Variants in ERICH3 observed in about 807,000 individuals in gnomAD.
The protein encoded by ERICH3 is glutamate-rich protein 3.
Under a neutral mutation model 131.1 loss-of-function variants are expected in ERICH3, and 126 were observed. The observed-to-expected ratio is 0.96, with a 90% CI of 0.83 to 1.11. The LOEUF is 1.11. ERICH3 is among the 50% of genes most tolerant of loss of function. The pLI is 0.00. For missense variants in ERICH3, 2,050 were observed against 1,810.7 expected, an observed-to-expected ratio of 1.13 and a Z score of -2.40; for synonymous variants, 695 against 644.6, an observed-to-expected ratio of 1.08 and a Z score of -1.18.
intron 12 of ERICH3, among the ~76,000 whole-genome samples, chr1:74,581,374 G>A (rs1647178417): frequency 1.3e-5 from 2 of 151,954 alleles, no homozygotes; most frequent in Non-Finnish European, 2.9e-5. Context: ...TATTACTTTT[G>A]TTGTTGTTGT....
chr1:74,605,967 C>CAT (rs969668383), intron 10 of ERICH3, among the ~76,000 whole-genome samples: 17 of 115,428 alleles, frequency 1.5e-4, no homozygotes, highest in African/African-American at 5.7e-4. Flanking sequence ...GATGTGCCTG[C>CAT]ATATATATGT....
At position 74,569,533 on chromosome 1, in the gene ERICH3, C is replaced by G. The variant is rs1021095538; in HGVS notation, c.*925G>C. 4 of 152,248 alleles carry G rather than the reference C, an allele frequency of 2.6e-5. No homozygotes were observed. The highest frequency in any genetic ancestry group is 9.6e-5 in the African/African-American group (4 of 41,546). The allele number at this position is 152,248 out of a possible 1,614,324, so 9.4% of individuals were successfully genotyped here. ...AGTTCACAGGTTTGAAATAACAGAA[C>G]TTGGGAAGGTGAGCAGCACACTCAT... is the stretch of plus-strand genomic sequence containing the variant. On this transcript the variant is annotated 3_prime_UTR_variant, in exon 15 of 15. Transcript: ENST00000326665.
intron 7 of ERICH3, among the ~76,000 whole-genome samples, chr1:74,630,194 T>G (rs686329): frequency 0.69 from 105,522 of 152,064 alleles, 37,384 homozygotes; most frequent in African/African-American, 0.83. Context: ...TTGTTTTTGC[T>G]AAGTATGAGC....
rs139816866 is a variant in ERICH3 at position 74,580,633 on chromosome 1, G to A, written c.2177-3697C>T. 7.1e-3 allele frequency among the ~76,000 whole-genome samples: 1,088 copies of A among 152,298 alleles called. 11 individuals are homozygous for A. The highest frequency in any genetic ancestry group is 0.024 in the African/African-American group (1,016 of 41,576). ...TTTAGTAATTGAAAAGTGGTGGCAA[G>A]GATAGAGCTGTCAATATTAGTAGCA... On this transcript the variant is annotated intron_variant, in intron 12 of 14. Transcript: ENST00000326665.
intron 4 of ERICH3, 72 bp downstream of exon 4, chr1:74,642,955 C>T (rs867776376): frequency 6.9e-6 from 8 of 1,166,974 alleles, no homozygotes; most frequent in Non-Finnish European, 9.9e-6. Flanking sequence ...GAACTGGAAT[C>T]ATAGTTTCAC....
At chr1:74,577,893 C>T (rs1647097601) in intron 12 of ERICH3, among the ~76,000 whole-genome samples, 1 of 152,194 alleles carries the variant, frequency 6.6e-6, no homozygotes, top group African/African-American at 2.4e-5. Context: ...CTAGAGCTGA[C>T]TAAACTATGA....
chr1:74,611,425 TA>T (rs1328616755), intron 9 of ERICH3, among the ~76,000 whole-genome samples: 17 of 152,200 alleles, frequency 1.1e-4, no homozygotes, highest in Admixed American at 1.1e-3. Flanking sequence ...TTCTCTGGAT[TA>T]AAGCAGTTTC....
Position 74,641,553 on chromosome 1 carries a change from A to ATT in ERICH3, c.316-95_316-94insAA, listed in dbSNP as rs1421161232. ...GTGCGAAATACTATATGACTAAAGA[A>ATT]ATTCTTTCTCATTTCTTCCAAGAGT... On this transcript the variant is annotated intron_variant, in intron 4 of 14. Coordinates refer to ENST00000326665, the MANE Select transcript of ERICH3 (RefSeq NM_001002912.5). 2.2e-6 allele frequency: 3 copies of ATT among 1,365,170 alleles called. No homozygotes were observed. In the African/African-American group the frequency reaches 4.6e-5, roughly 21 times the overall value. 84.6% of individuals were successfully genotyped at this position (1,365,170 alleles called of 1,614,324 possible).
At chr1:74,590,287 A>T (rs775077967) in intron 11 of ERICH3, among the ~76,000 whole-genome samples, 3 of 152,054 alleles carry the variant, frequency 2.0e-5, no homozygotes, top group Non-Finnish European at 4.4e-5. Flanking sequence ...TTTTCCATGG[A>T]CTGGGGTTGA....
In ERICH3 at chr1:74,665,328, G is replaced by A. The variant is rs367595216; in HGVS notation, c.23+8169C>T. On this transcript the variant is annotated intron_variant, in intron 1 of 14. Coordinates refer to ENST00000326665, the MANE Select transcript of ERICH3 (RefSeq NM_001002912.5). ...AGAAATAAAATTCTGTTGTTTCTAA[G>A]CCACCCAGTCTATGGTATTCTATTT... 7.2e-5 allele frequency among the ~76,000 whole-genome samples: 11 copies of A among 152,120 alleles called. No individual in the cohort carries two copies. In the East Asian group the frequency reaches 1.6e-3, roughly 21 times the overall value.
At chr1:74,665,275 C>T (rs954186638) in intron 1 of ERICH3, among the ~76,000 whole-genome samples, 1 of 151,824 alleles carries the variant, frequency 6.6e-6, no homozygotes, top group Non-Finnish European at 1.5e-5. Context: ...GCAAATGTCT[C>T]TTGGGCTCCC....
At position 74,572,504 on chromosome 1, in the gene ERICH3, G is replaced by A; in HGVS notation, c.3206C>T (p.Ser1069Phe). The change falls in exon 14 of 15, where the codon TCT (serine) becomes TTT (phenylalanine). Residue 1069 changes from serine to phenylalanine, a missense_variant. Ser to Phe is a radical substitution (Grantham distance 155, BLOSUM62 -2). Coordinates refer to ENST00000326665, the MANE Select transcript of ERICH3 (RefSeq NM_001002912.5). ...TCTCTCAGAGTCAGTTTTCCTCAGAGATGTTTTTGGCCTCTCAGCTTTCCT... is the reference window on the plus strand; with the variant it reads ...TCTCTCAGAGTCAGTTTTCCTCAGAAATGTTTTTGGCCTCTCAGCTTTCCT... Reference protein sequence around the residue: ...ERRKAERPKTSLRKTDSEREE... With the variant: ...ERRKAERPKTFLRKTDSEREE... 6.2e-7 allele frequency: 1 copy of A among 1,614,066 alleles called. No individual in the cohort carries two copies. Among genetic ancestry groups the A allele is most frequent in the Non-Finnish European group, 8.5e-7 (1 of 1,180,012 alleles).
intron 7 of ERICH3, among the ~76,000 whole-genome samples, chr1:74,628,634 G>GTGCAGAGAAA (rs1649492804): frequency 6.6e-6 from 1 of 151,886 alleles, no homozygotes; most frequent in Non-Finnish European, 1.5e-5. Context: ...ATTTTCGACT[G>GTGCAGAGAAA]TGCAGAGAAA....
At chr1:74,637,546 C>A (rs1242681825) in intron 5 of ERICH3, among the ~76,000 whole-genome samples, 2 of 152,164 alleles carry the variant, frequency 1.3e-5, no homozygotes, top group East Asian at 3.8e-4. Context: ...GACTATACTG[C>A]AGCAAATGCC....
At position 74,606,884 on chromosome 1, in the gene ERICH3, G is replaced by T; in HGVS notation, c.1206C>A (p.Gly402=). The change falls in exon 10 of 15, where the codon GGC becomes GGA. Residue 402 remains glycine (G), a synonymous_variant. Coordinates refer to ENST00000326665, the MANE Select transcript of ERICH3 (RefSeq NM_001002912.5). The part of the protein sequence containing the change: ...SPCYKCIIAM[G]LDKKPSLPKS... ...TCGGCAAAGACGGTTTTTTGTCAAG[G>T]CCCATTGCAATAATGCACCTATGAA... 6.2e-7 allele frequency: 1 copy of T among 1,611,454 alleles called. No homozygotes were observed.
rs1236851794 is a variant in ERICH3, at chr1:74,631,891, C to G, written c.641G>C (p.Gly214Ala). ...KAVMKFRNSI[G>A]NSQRMNSYQL... ...ATATGAATTCATTCTCTGTGAATTG[C>G]CTATGGAGTTCCTGAACTTCATCAC... The change falls in exon 7 of 15, where the codon GGC (glycine) becomes GCC (alanine). Residue 214 changes from glycine (G) to alanine (A), a missense_variant. Gly to Ala is a moderately conservative substitution (Grantham distance 60). Transcript: ENST00000326665. The G allele has an allele frequency of 6.2e-7, 1 of 1,613,064 alleles. No homozygotes were observed. Among genetic ancestry groups the G allele is most frequent in the Non-Finnish European group, 8.5e-7 (1 of 1,179,406 alleles).
At chr1:74,593,752 T>C (rs1647715336) in intron 11 of ERICH3, among the ~76,000 whole-genome samples, 1 of 152,140 alleles carries the variant, frequency 6.6e-6, no homozygotes, top group Non-Finnish European at 1.5e-5. Flanking sequence ...AATTATCTTC[T>C]ATTTTGAGAT....
At chr1:74,655,937 T>C (rs924130446) in intron 1 of ERICH3, among the ~76,000 whole-genome samples, 1 of 152,188 alleles carries the variant, frequency 6.6e-6, no homozygotes, top group African/African-American at 2.4e-5. Flanking sequence ...TGCCATCATC[T>C]GGTGAGGGCC....
intron 10 of ERICH3, among the ~76,000 whole-genome samples, chr1:74,605,840 C>T (rs897538069): frequency 6.6e-6 from 1 of 151,804 alleles, no homozygotes; most frequent in Non-Finnish European, 1.5e-5. Context: ...GAAGTGAGCA[C>T]ATGCTGTTGG....
Sources: allele counts gnomAD v4.1 joint callset (sites outside exome capture counted in the v4.1 genomes callset), GRCh38; gene constraint gnomAD v4.1.1; transcripts MANE v1.5; gene names NCBI Gene and HGNC (gene_info 2026-07-23, HGNC 2026-07-21).